The following LRRC8B variants were observed in gnomAD, a reference collection of about 807,000 sequenced individuals.
LRRC8B encodes the protein volume-regulated anion channel subunit LRRC8B.
Under a neutral mutation model 58.8 loss-of-function variants are expected in LRRC8B, and 23 were observed. That is an observed-to-expected ratio of 0.39 (90% CI 0.28 to 0.55). The LOEUF is 0.55. Among genes scored for constraint, LRRC8B ranks in the 20% least tolerant of loss-of-function variants. The probability of loss-of-function intolerance (pLI) is 0.62; values close to 1 mark genes in which losing one functional copy is unlikely to be tolerated. For synonymous variants in LRRC8B, 359 were observed against 374.1 expected (o/e 0.96, Z 0.47); for missense variants, 694 against 936.0 (o/e 0.74, Z 3.37).
chr1:89,564,558 A>G (rs974636853), intron 1 of LRRC8B, among the ~76,000 whole-genome samples: 2 of 152,148 alleles, frequency 1.3e-5, no homozygotes, highest in African/African-American at 4.8e-5. Flanking sequence ...AATAATATCT[A>G]CTTCACCAGG....
At chr1:89,565,145 C>A (rs1193211289) in intron 1 of LRRC8B, among the ~76,000 whole-genome samples, 1 of 152,156 alleles carries the variant, frequency 6.6e-6, no homozygotes, top group Non-Finnish European at 1.5e-5. Flanking sequence ...CTAGAAAGGT[C>A]TTTGCCCTCC....
intron 5 of LRRC8B, among the ~76,000 whole-genome samples, chr1:89,585,945 C>T (rs546180769): frequency 9.8e-4 from 149 of 152,164 alleles, no homozygotes; most frequent in African/African-American, 3.5e-3. Flanking sequence ...TTTTGAAAAA[C>T]ATGGGTGTTA....
chr1:89,553,773 T>G (rs1651984035), intron 1 of LRRC8B, among the ~76,000 whole-genome samples: 1 of 152,218 alleles, frequency 6.6e-6, no homozygotes, highest in Non-Finnish European at 1.5e-5. Flanking sequence ...AGTCCATTTA[T>G]GTTTTATTTC....
rs139539486 is a variant in LRRC8B, at chr1:89,595,429, A to G, written c.*2386A>G. Reference sequence around the variant, plus strand: ...GGCCACATAACTAGCTAGAATTTCAAAACAAAATTCAGATTTGCTACCATT... The same window carrying G: ...GGCCACATAACTAGCTAGAATTTCAGAACAAAATTCAGATTTGCTACCATT... On this transcript the variant is annotated 3_prime_UTR_variant, in exon 6 of 6. Coordinates refer to ENST00000330947, the MANE Select transcript of LRRC8B (RefSeq NM_001369817.2). 9.4e-4 allele frequency: 143 copies of G among 152,300 alleles called. No individual in the cohort carries two copies. Among genetic ancestry groups the G allele is most frequent in the African/African-American group, 3.2e-3 (135 of 41,582 alleles). 9.4% of individuals were successfully genotyped at this position (152,300 alleles called of 1,614,324 possible).
chr1:89,549,412 T>A (rs1232739235), intron 1 of LRRC8B, among the ~76,000 whole-genome samples: 4 of 152,198 alleles, frequency 2.6e-5, no homozygotes, highest in Non-Finnish European at 5.9e-5. Context: ...TGAAGTAGCT[T>A]GGAAAGGGAG....
At position 89,576,116 on chromosome 1, in the gene LRRC8B, T is replaced by C. The variant is rs1025314774; in HGVS notation, c.-124-3475T>C. On this transcript the variant is annotated intron_variant, in intron 3 of 5. Transcript: ENST00000330947. ...TTGCTGGATGACAGCACTATTGAAA[T>C]AGCCTTTCAGCTGCTCCCTTTGTTT... Among the ~76,000 whole-genome samples the C allele has an allele frequency of 3.9e-5, 6 of 152,356 alleles. No homozygotes were observed. The South Asian group carries it at 1.0e-3, about 26-fold the overall frequency.
chr1:89,530,194 C>CAAA (rs776269889), intron 1 of LRRC8B, among the ~76,000 whole-genome samples: 1 of 115,730 alleles, frequency 8.6e-6, no homozygotes, highest in African/African-American at 3.2e-5. Context: ...ACAAAAAATA[C>CAAA]AAAAAAAAAA....
chr1:89,550,937 T>G (rs1651759529), intron 1 of LRRC8B, among the ~76,000 whole-genome samples: 1 of 152,226 alleles, frequency 6.6e-6, no homozygotes, highest in Admixed American at 6.5e-5. Context: ...AAAATATTGC[T>G]TGCATTCTAT....
chr1:89,572,972 G>A (rs1653573752), intron 3 of LRRC8B, among the ~76,000 whole-genome samples: 1 of 152,070 alleles, frequency 6.6e-6, no homozygotes, highest in South Asian at 2.1e-4. Flanking sequence ...CCAGAAATAA[G>A]TAAAAATGAA....
chr1:89,546,090 T>C (rs1651385304), intron 1 of LRRC8B, among the ~76,000 whole-genome samples: 1 of 152,160 alleles, frequency 6.6e-6, no homozygotes, highest in African/African-American at 2.4e-5. Flanking sequence ...AAAAATGGTA[T>C]ATTATGTGTT....
At chr1:89,558,704 C>G (rs1652374575) in intron 1 of LRRC8B, 1 of 152,156 alleles carries the variant, frequency 6.6e-6, no homozygotes, top group Non-Finnish European at 1.5e-5. Context: ...AAATGTATTC[C>G]TCACAGCTCT....
chr1:89,548,485 A>C (rs1423698901), intron 1 of LRRC8B, among the ~76,000 whole-genome samples: 1 of 152,166 alleles, frequency 6.6e-6, no homozygotes, highest in Non-Finnish European at 1.5e-5. Flanking sequence ...CTTGAGGGGG[A>C]AAGTAGTCTA....
intron 1 of LRRC8B, among the ~76,000 whole-genome samples, chr1:89,554,129 G>C (rs1478712625): frequency 6.6e-6 from 1 of 152,100 alleles, no homozygotes; most frequent in Non-Finnish European, 1.5e-5. Flanking sequence ...ATTAGCATTT[G>C]ATCCTAATCA....
chr1:89,548,331 A>G lies in LRRC8B; in HGVS notation c.-240-19916A>G, dbSNP rs550676231. Among the ~76,000 whole-genome samples, 122 of 152,298 alleles carry G rather than the reference A, an allele frequency of 8.0e-4. 1 individual carries two copies. Among genetic ancestry groups the G allele is most frequent in the African/African-American group, 2.9e-3 (119 of 41,578 alleles). ...TCTCCTTGGATTTGATTATGCAATAATGCATACAAACTAAATCCAGTTGAC... is the reference window on the plus strand; with the variant it reads ...TCTCCTTGGATTTGATTATGCAATAGTGCATACAAACTAAATCCAGTTGAC... On this transcript the variant is annotated intron_variant, in intron 1 of 5. Coordinates refer to ENST00000330947, the MANE Select transcript of LRRC8B (RefSeq NM_001369817.2).
intron 1 of LRRC8B, among the ~76,000 whole-genome samples, chr1:89,539,815 TAAATA>T (rs1250631380): frequency 1.3e-5 from 2 of 152,236 alleles, no homozygotes; most frequent in Non-Finnish European, 1.5e-5. Context: ...TTTTTTAAAT[TAAATA>T]AAAATAAATC....
intron 1 of LRRC8B, among the ~76,000 whole-genome samples, chr1:89,552,320 C>G (rs553037420): frequency 6.6e-6 from 1 of 152,154 alleles, no homozygotes; most frequent in African/African-American, 2.4e-5. Context: ...TCTCCCACAC[C>G]CAATCTCCTT....
At chr1:89,581,284 A>G (rs1168157738) in intron 4 of LRRC8B, among the ~76,000 whole-genome samples, 1 of 151,438 alleles carries the variant, frequency 6.6e-6, no homozygotes, top group African/African-American at 2.4e-5. Context: ...AAAAAAAAAA[A>G]AAAAAAAAAA....
intron 1 of LRRC8B, among the ~76,000 whole-genome samples, chr1:89,547,301 T>C (rs913384823): frequency 3.3e-5 from 5 of 152,060 alleles, no homozygotes; most frequent in African/African-American, 7.2e-5. Flanking sequence ...ATTATTATGA[T>C]ATTATGGTTA....
intron 1 of LRRC8B, among the ~76,000 whole-genome samples, chr1:89,561,006 G>C (rs1179671465): frequency 1.3e-5 from 2 of 149,802 alleles, no homozygotes; most frequent in Non-Finnish European, 3.0e-5. Flanking sequence ...CCCACCAACA[G>C]TGTAAAAGTG....
Sources: allele counts gnomAD v4.1 joint callset (sites outside exome capture counted in the v4.1 genomes callset), GRCh38; gene constraint gnomAD v4.1.1; transcripts MANE v1.5; gene names NCBI Gene and HGNC (gene_info 2026-07-23, HGNC 2026-07-21).